MGAM2: variants seen among roughly 807,000 people sequenced by gnomAD.
The protein encoded by MGAM2 is maltase-glucoamylase 2 (putative).
Under a neutral mutation model 96.1 loss-of-function variants are expected in MGAM2, and 98 were observed. The ratio of observed to expected loss-of-function variants is 1.02; its 90% CI spans 0.87 to 1.21. MGAM2 has a LOEUF of 1.21. Ranked by LOEUF, MGAM2 falls within the 50% of genes most tolerant of loss-of-function variation. The pLI is 0.00. For synonymous variants in MGAM2, 749 were observed against 414.8 expected (o/e 1.81, Z -9.79); for missense variants, 2,055 against 1,182.4 (o/e 1.74, Z -10.82).
At chr7:142,167,697 C>A (rs1018972512) in intron 26 of MGAM2, among the ~76,000 whole-genome samples, 3 of 152,194 alleles carry the variant, frequency 2.0e-5, no homozygotes, top group Admixed American at 6.5e-5. Flanking sequence ...CTCAGCCTCC[C>A]AAGTAGCCAG....
rs1563269825 is a variant in MGAM2 at position 142,164,735 on chromosome 7, T to C, written c.2485-121T>C. ...CCTAGGGATGATGACCTAGCAACAT[T>C]TGAAACTGCAGAGAAAAGGAAACAG... On this transcript the variant is annotated intron_variant, in intron 23 of 47. Transcript: ENST00000477922. 4 of 540,538 alleles carry C rather than the reference T, an allele frequency of 7.4e-6. No homozygotes were observed. In the South Asian group the frequency reaches 1.1e-4, roughly 16 times the overall value. The allele number at this position is 540,538 out of a possible 1,614,324, so 33.5% of individuals were successfully genotyped here. A position where few individuals can be genotyped will look rare whatever the true frequency, so the allele number is the denominator to read the frequency against.
intron 37 of MGAM2, among the ~76,000 whole-genome samples, chr7:142,195,319 T>C (rs1585206069): frequency 6.7e-6 from 1 of 149,860 alleles, no homozygotes; most frequent in East Asian, 2.0e-4. Flanking sequence ...CATGTGTGAG[T>C]TTCTGTGCCT....
At chr7:142,150,269 G>A (rs2129083539) in intron 15 of MGAM2, among the ~76,000 whole-genome samples, 1 of 152,230 alleles carries the variant, frequency 6.6e-6, no homozygotes, top group African/African-American at 2.4e-5. Flanking sequence ...ATCTTGGTTG[G>A]TAGCAACAGC....
intron 46 of MGAM2, among the ~76,000 whole-genome samples, chr7:142,215,804 A>G (rs1469406761): frequency 1.3e-5 from 2 of 151,912 alleles, no homozygotes; most frequent in African/African-American, 2.4e-5. Context: ...ATATTGAAAA[A>G]TGTTGTAATA....
At chr7:142,170,412 TAATC>T (rs1436094826) in intron 27 of MGAM2, among the ~76,000 whole-genome samples, 183 bp downstream of exon 27, 1 of 152,178 alleles carries the variant, frequency 6.6e-6, no homozygotes, top group Admixed American at 6.5e-5. Context: ...TTAACAAAAA[TAATC>T]AATCAAAGTT....
chr7:142,181,126 C>T (rs1796527359), intron 32 of MGAM2, among the ~76,000 whole-genome samples: 1 of 152,150 alleles, frequency 6.6e-6, no homozygotes, highest in Non-Finnish European at 1.5e-5. Flanking sequence ...TTTTGAATTG[C>T]TAGGGTTCTT....
chr7:142,149,229 C>G (rs916944557), intron 15 of MGAM2, among the ~76,000 whole-genome samples: 15 of 147,682 alleles, frequency 1.0e-4, no homozygotes, highest in Admixed American at 2.0e-4. Context: ...AACTCCGTCT[C>G]AAAAAAAAAA....
intron 1 of MGAM2, among the ~76,000 whole-genome samples, chr7:142,113,130 G>C (rs1817231133): frequency 6.6e-6 from 1 of 152,166 alleles, no homozygotes; most frequent in Admixed American, 6.5e-5. Context: ...TGGCATTGGG[G>C]AGGAGTTGAG....
intron 45 of MGAM2, among the ~76,000 whole-genome samples, chr7:142,203,025 G>A (rs1462308289): frequency 6.6e-6 from 1 of 151,970 alleles, no homozygotes; most frequent in African/African-American, 2.4e-5. Flanking sequence ...TTGCATTTCT[G>A]TAATGATTGG....
intron 33 of MGAM2, among the ~76,000 whole-genome samples, chr7:142,184,000 T>G (rs1796620993): frequency 1.6e-5 from 2 of 124,282 alleles, no homozygotes; most frequent in African/African-American, 3.1e-5. Context: ...TGAGATGGAG[T>G]GTCACTCTGT....
intron 36 of MGAM2, among the ~76,000 whole-genome samples, chr7:142,188,177 G>A (rs2129096818): frequency 6.7e-6 from 1 of 149,042 alleles, no homozygotes; most frequent in South Asian, 2.1e-4. Context: ...TTTGATTAAA[G>A]AATTAAAACC....
chr7:142,194,687 CATGTGTGTATGTGT>C (rs1357311874), intron 37 of MGAM2, among the ~76,000 whole-genome samples: 4 of 118,162 alleles, frequency 3.4e-5, no homozygotes, highest in East Asian at 4.3e-4. Flanking sequence ...TTTAATAGAA[CATGTGTGTATGTGT>C]GTGTGTGTGT....
chr7:142,212,726 C>A (rs1270751553), intron 46 of MGAM2, among the ~76,000 whole-genome samples: 1 of 152,124 alleles, frequency 6.6e-6, no homozygotes, highest in Non-Finnish European at 1.5e-5. Flanking sequence ...GACTCCCACA[C>A]AATAATAGTG....
At chr7:142,126,134 A>G (rs932350949) in intron 3 of MGAM2, among the ~76,000 whole-genome samples, 1 of 152,042 alleles carries the variant, frequency 6.6e-6, no homozygotes, top group Non-Finnish European at 1.5e-5. Flanking sequence ...TGAGATTACC[A>G]TATGATTTTC....
Position 142,166,084 on chromosome 7 carries a change from G to C in MGAM2, c.2653-14G>C, listed in dbSNP as rs1452200836. 2.9e-6 allele frequency: 2 copies of C among 679,296 alleles called. No individual in the cohort carries two copies. Among genetic ancestry groups the C allele is most frequent in the Non-Finnish European group, 5.4e-6 (2 of 373,208 alleles). 42.1% of individuals were successfully genotyped at this position (679,296 alleles called of 1,614,324 possible). A position where few individuals can be genotyped will look rare whatever the true frequency, so the allele number is the denominator to read the frequency against. On this transcript the variant is annotated splice_polypyrimidine_tract_variant and intron_variant, in intron 24 of 47. Transcript: ENST00000477922. ...CCTCCCTTCCTTTGTCACTGTGACT[G>C]TCTCTTTCCCCAGGTGGTAACCATC...
chr7:142,114,680 G>A (rs1270780915), intron 1 of MGAM2, among the ~76,000 whole-genome samples: 1 of 152,136 alleles, frequency 6.6e-6, no homozygotes, highest in East Asian at 1.9e-4. Context: ...GTGAGATCTA[G>A]ATAACAGATA....
At chr7:142,125,007 CA>C (rs796573670) in intron 3 of MGAM2, among the ~76,000 whole-genome samples, 1 of 152,026 alleles carries the variant, frequency 6.6e-6, no homozygotes, top group South Asian at 2.1e-4. Flanking sequence ...TTCCAATGTG[CA>C]TTCCATTTTC....
At chr7:142,204,267 C>T (rs1480153289) in intron 45 of MGAM2, among the ~76,000 whole-genome samples, 1 of 151,568 alleles carries the variant, frequency 6.6e-6, no homozygotes, top group Non-Finnish European at 1.5e-5. Context: ...TTAAATTTCT[C>T]CTAACAGTTT....
At chr7:142,132,752 T>C (rs1388292023) in intron 6 of MGAM2, among the ~76,000 whole-genome samples, 2 of 125,734 alleles carry the variant, frequency 1.6e-5, no homozygotes, top group African/African-American at 6.4e-5. Context: ...TAACATATAA[T>C]ATATAATATA....
Sources: allele counts gnomAD v4.1 joint callset (sites outside exome capture counted in the v4.1 genomes callset), GRCh38; gene constraint gnomAD v4.1.1; transcripts MANE v1.5; gene names NCBI Gene and HGNC (gene_info 2026-07-23, HGNC 2026-07-21).